Variants in UBE2D2 observed in about 807,000 individuals in gnomAD.
The protein encoded by UBE2D2 is ubiquitin conjugating enzyme E2 D2.
Under a neutral mutation model 24.2 loss-of-function variants are expected in UBE2D2, and 2 were observed. The ratio of observed to expected loss-of-function variants is 0.08; its 90% confidence interval spans 0.03 to 0.26. The LOEUF is 0.26. Among genes scored for constraint, UBE2D2 ranks in the 10% least tolerant of loss-of-function variants. UBE2D2 has a pLI of 1.00. For missense variants in UBE2D2, 44 were observed against 177.6 expected, an observed-to-expected ratio of 0.25 and a Z score of 4.28; for synonymous variants, 58 against 56.5, an observed-to-expected ratio of 1.03 and a Z score of -0.12.
At chr5:139,593,710 C>T (rs540511981) in intron 1 of UBE2D2, among the ~76,000 whole-genome samples, 4 of 152,146 alleles carry the variant, frequency 2.6e-5, no homozygotes, top group African/African-American at 9.6e-5. Context: ...CTCCTGGGCT[C>T]AAGCAATCCT....
intron 1 of UBE2D2, among the ~76,000 whole-genome samples, chr5:139,538,469 T>C (rs977289060): frequency 6.6e-6 from 1 of 152,108 alleles, no homozygotes. Flanking sequence ...TGCTACAACA[T>C]AGATGAACCT....
intron 1 of UBE2D2, among the ~76,000 whole-genome samples, chr5:139,596,771 G>C (rs1468424645): frequency 6.6e-6 from 1 of 151,928 alleles, no homozygotes; most frequent in East Asian, 1.9e-4. Context: ...AATAGGCCAG[G>C]TGCGGTGGCT....
chr5:139,559,128 T>TA (rs879928537), upstream of UBE2D2, among the ~76,000 whole-genome samples: 47 of 149,908 alleles, frequency 3.1e-4, no homozygotes, highest in East Asian at 3.9e-4. Context: ...AGAATAACTT[T>TA]AAAAAAAAAA....
chr5:139,626,716 CCA>C, intron 6 of UBE2D2, 38 bp from the exon 7 acceptor site: 1 of 1,573,674 alleles, frequency 6.4e-7, no homozygotes, highest in Non-Finnish European at 8.7e-7. Flanking sequence ...CTTACTGACT[CCA>C]CACCTATGTT....
intron 1 of UBE2D2, among the ~76,000 whole-genome samples, chr5:139,537,864 T>C (rs750335189): frequency 7.3e-5 from 11 of 150,938 alleles, no homozygotes; most frequent in Non-Finnish European, 1.3e-4. Flanking sequence ...CTGGGGAGGC[T>C]AAGGCAGGAG....
At position 139,546,999 on chromosome 5, in the gene UBE2D2, T is replaced by G. The variant is rs573520019; in HGVS notation, c.-64+20387T>G. Among the ~76,000 whole-genome samples, 13 of 151,340 alleles carry G rather than the reference T, an allele frequency of 8.6e-5. No individual in the cohort carries two copies. The East Asian group carries it at 2.6e-3, about 30-fold the overall frequency. On this transcript the variant is annotated intron_variant, in intron 1 of 6. Transcript: ENST00000511725. ...ACCTCCTTCTCCCGGCTTCAAGAGA[T>G]TCTCCTGCCGGCCGGGCAAGGTGGC...
At chr5:139,618,888 A>G (rs1277973671) in intron 5 of UBE2D2, among the ~76,000 whole-genome samples, 1 of 152,202 alleles carries the variant, frequency 6.6e-6, no homozygotes, top group Non-Finnish European at 1.5e-5. Flanking sequence ...TTAATCCTGT[A>G]TATGATATTA....
chr5:139,547,662 C>T (rs1037593421), intron 1 of UBE2D2, among the ~76,000 whole-genome samples: 7 of 151,866 alleles, frequency 4.6e-5, no homozygotes, highest in Admixed American at 3.3e-4. Flanking sequence ...ATTACAGGTG[C>T]CTGCCACCAC....
chr5:139,540,305 G>C (rs1752738271), intron 1 of UBE2D2, among the ~76,000 whole-genome samples: 2 of 152,156 alleles, frequency 1.3e-5, no homozygotes, highest in African/African-American at 4.8e-5. Flanking sequence ...GCTAGTTCCA[G>C]TGAATCTATA....
intron 2 of UBE2D2, among the ~76,000 whole-genome samples, chr5:139,614,141 G>C (rs1012556528): frequency 2.8e-4 from 42 of 151,956 alleles, no homozygotes; most frequent in African/African-American, 9.4e-4. Flanking sequence ...AGAAATAACT[G>C]TTTAAAAGTA....
intron 5 of UBE2D2, among the ~76,000 whole-genome samples, chr5:139,623,152 A>T (rs1754546906): frequency 6.6e-6 from 1 of 152,114 alleles, no homozygotes. Context: ...AGCCTGGCCA[A>T]CATGGTGAAA....
intron 1 of UBE2D2, among the ~76,000 whole-genome samples, chr5:139,589,463 G>A (rs1753797568): frequency 6.6e-6 from 1 of 152,092 alleles, no homozygotes; most frequent in South Asian, 2.1e-4. Context: ...GGGAGGCTGA[G>A]GTGGGAGAAT....
chr5:139,581,448 CA>C (rs879352302), intron 1 of UBE2D2, among the ~76,000 whole-genome samples: 41 of 142,250 alleles, frequency 2.9e-4, no homozygotes, highest in African/African-American at 3.1e-4. Context: ...GACTCCGTCT[CA>C]AAAAAAAAAA....
chr5:139,534,249 A>G (rs1752634271), intron 1 of UBE2D2, among the ~76,000 whole-genome samples: 1 of 151,210 alleles, frequency 6.6e-6, no homozygotes, highest in Non-Finnish European at 1.5e-5. Context: ...CCTGACCAAC[A>G]TGGAGAAAAC....
chr5:139,558,720 A>G (rs1320823321), upstream of UBE2D2, among the ~76,000 whole-genome samples: 1 of 152,220 alleles, frequency 6.6e-6, no homozygotes, highest in Non-Finnish European at 1.5e-5. Context: ...CCAAATGTCA[A>G]AAGTGGTTAA....
chr5:139,609,119 A>C (rs187399260), intron 2 of UBE2D2, among the ~76,000 whole-genome samples: 230 of 152,306 alleles, frequency 1.5e-3, no homozygotes, highest in Admixed American at 2.9e-3. Flanking sequence ...AAATTTTTCT[A>C]ATAACTTCTT....
At chr5:139,594,162 A>G (rs895313141) in intron 1 of UBE2D2, among the ~76,000 whole-genome samples, 1 of 152,100 alleles carries the variant, frequency 6.6e-6, no homozygotes, top group Non-Finnish European at 1.5e-5. Flanking sequence ...TTTGTTTCAT[A>G]ATTGTTATGA....
Position 139,623,315 on chromosome 5 carries a change from C to T in UBE2D2, c.305-53C>T, listed in dbSNP as rs1435242681. 2.2e-6 allele frequency: 3 copies of T among 1,384,570 alleles called. No individual in the cohort carries two copies. The African/African-American group carries it at 4.3e-5, about 20-fold the overall frequency. 85.8% of individuals were successfully genotyped at this position (1,384,570 alleles called of 1,614,324 possible). On this transcript the variant is annotated intron_variant, in intron 5 of 6. Transcript: ENST00000398733. ...TCATGTTTTGGCGTCTCATGTTTCT[C>T]TCAACCCTTTGCTTTGATCCTCTGC...
intron 1 of UBE2D2, among the ~76,000 whole-genome samples, chr5:139,566,302 A>G (rs1294454890): frequency 6.6e-6 from 1 of 152,006 alleles, no homozygotes. Context: ...TACAGGTGTA[A>G]GCCACTGTGC....
Sources: allele counts gnomAD v4.1 joint callset (sites outside exome capture counted in the v4.1 genomes callset), GRCh38; gene constraint gnomAD v4.1.1; transcripts MANE v1.5; gene names NCBI Gene and HGNC (gene_info 2026-07-23, HGNC 2026-07-21).